Variants in GRIN2B observed in about 807,000 individuals in gnomAD.
GRIN2B encodes the protein glutamate ionotropic receptor NMDA type subunit 2B.
GRIN2B carries 5 observed loss-of-function variants against 114.5 expected under a neutral mutation model. That is an observed-to-expected ratio of 0.04 (90% confidence interval 0.02 to 0.09). The LOEUF (loss-of-function observed/expected upper bound fraction) is 0.09. GRIN2B is among the 10% of genes least tolerant of loss of function. The pLI is 1.00. For synonymous variants in GRIN2B, 787 were observed against 745.1 expected (o/e 1.06, Z -0.92); for missense variants, 1,108 against 1,943.5 (o/e 0.57, Z 8.08).
intron 2 of GRIN2B, among the ~76,000 whole-genome samples, chr12:13,934,673 C>CTGTCAAGGCAGATATGACCAGCAGCCAG (rs1867096894): frequency 1.3e-5 from 2 of 151,572 alleles, no homozygotes; most frequent in African/African-American, 4.9e-5. Context: ...ATCTGGCCAT[C>CTGTCAAGGCAGATATGACCAGCAGCCAG]ACGTACAACT....
intron 5 of GRIN2B, among the ~76,000 whole-genome samples, chr12:13,651,622 A>G (rs1949814114): frequency 6.6e-6 from 1 of 152,080 alleles, no homozygotes; most frequent in Non-Finnish European, 1.5e-5. Context: ...CTGGGCTTAG[A>G]ATCCATTGCT....
intron 5 of GRIN2B, among the ~76,000 whole-genome samples, chr12:13,630,506 TAGTC>T (rs1565482875): frequency 6.6e-6 from 1 of 152,162 alleles, no homozygotes; most frequent in African/African-American, 2.4e-5. Context: ...GGATGAGCGA[TAGTC>T]AGTGGGTCTT....
chr12:13,942,685 T>C (rs924492099), intron 2 of GRIN2B, among the ~76,000 whole-genome samples: 1 of 152,196 alleles, frequency 6.6e-6, no homozygotes, highest in Admixed American at 6.5e-5. Context: ...CAACTCTTCA[T>C]TCATACAAAC....
chr12:13,979,717 C>G (rs1236139978), intron 2 of GRIN2B, among the ~76,000 whole-genome samples: 1 of 152,050 alleles, frequency 6.6e-6, no homozygotes, highest in Non-Finnish European at 1.5e-5. Flanking sequence ...CACTGCCCCC[C>G]AAAAGCCCAA....
rs962327729 is a variant in GRIN2B, at chr12:13,671,441, G to A, written c.1125+4304C>T. On this transcript the variant is annotated intron_variant, in intron 5 of 13. Transcript: ENST00000609686. ...CCAAGGGAACAAAATGTGTAAGACT[G>A]TAGCATTGGGACTACTTTTAGGAAC... is the stretch of plus-strand genomic sequence containing the variant. 2.0e-5 allele frequency among the ~76,000 whole-genome samples: 3 copies of A among 152,166 alleles called. No homozygotes were observed. In the East Asian group the frequency reaches 5.8e-4, roughly 29 times the overall value.
At chr12:13,932,363 C>T (rs1180254546) in intron 2 of GRIN2B, among the ~76,000 whole-genome samples, 1 of 152,204 alleles carries the variant, frequency 6.6e-6, no homozygotes, top group African/African-American at 2.4e-5. Flanking sequence ...TTAACATTGT[C>T]TAAATTTATA....
At chr12:13,889,087 T>C (rs758012115) in intron 2 of GRIN2B, among the ~76,000 whole-genome samples, 3 of 152,234 alleles carry the variant, frequency 2.0e-5, no homozygotes, top group Non-Finnish European at 2.9e-5. Context: ...CCTCATTCTA[T>C]AAGCTTTTTT....
intron 5 of GRIN2B, among the ~76,000 whole-genome samples, chr12:13,673,167 GA>G (rs548806238): frequency 1.4e-3 from 218 of 152,278 alleles, no homozygotes; most frequent in African/African-American, 4.6e-3. Flanking sequence ...AGTCAAAGAT[GA>G]GGGGAGGAAG....
At chr12:13,977,893 C>A (rs1863056000) in intron 2 of GRIN2B, among the ~76,000 whole-genome samples, 1 of 152,170 alleles carries the variant, frequency 6.6e-6, no homozygotes, top group African/African-American at 2.4e-5. Context: ...TATAGCTTCC[C>A]CACCCACTTT....
intron 3 of GRIN2B, among the ~76,000 whole-genome samples, chr12:13,767,224 C>A (rs572007445): frequency 6.8e-6 from 1 of 147,544 alleles, no homozygotes; most frequent in East Asian, 2.0e-4. Flanking sequence ...CGCACCACTG[C>A]ACCCCAGCCT....
chr12:13,688,868 T>G (rs1950191564), intron 4 of GRIN2B, among the ~76,000 whole-genome samples: 1 of 152,164 alleles, frequency 6.6e-6, no homozygotes, highest in South Asian at 2.1e-4. Flanking sequence ...ATCTGGACAA[T>G]CAAATACATA....
At chr12:13,730,437 T>A (rs1863069285) in intron 4 of GRIN2B, among the ~76,000 whole-genome samples, 2 of 152,206 alleles carry the variant, frequency 1.3e-5, no homozygotes, top group Non-Finnish European at 2.9e-5. Context: ...TTTGTATACA[T>A]TCTTATTTAA....
intron 5 of GRIN2B, among the ~76,000 whole-genome samples, chr12:13,675,234 G>C (rs1030190270): frequency 1.3e-5 from 2 of 152,124 alleles, no homozygotes; most frequent in East Asian, 3.9e-4. Flanking sequence ...ATTGGACCTA[G>C]ACAGTCTGGT....
At chr12:13,966,979 C>A (rs1011764343) in intron 2 of GRIN2B, among the ~76,000 whole-genome samples, 2 of 152,150 alleles carry the variant, frequency 1.3e-5, no homozygotes, top group Admixed American at 1.3e-4. Flanking sequence ...CTGCCTCTGC[C>A]ACCATGTTAC....
intron 4 of GRIN2B, among the ~76,000 whole-genome samples, chr12:13,730,941 A>T (rs1863078336): frequency 6.6e-6 from 1 of 152,072 alleles, no homozygotes; most frequent in Non-Finnish European, 1.5e-5. Flanking sequence ...TAACACGTGC[A>T]CCTATACAGC....
At chr12:13,892,281 C>A (rs932331745) in intron 2 of GRIN2B, among the ~76,000 whole-genome samples, 5 of 152,114 alleles carry the variant, frequency 3.3e-5, no homozygotes, top group Non-Finnish European at 7.4e-5. Flanking sequence ...AAGAAAAAAA[C>A]CAGAAGTCCC....
At chr12:13,794,983 G>A (rs1410622427) in intron 3 of GRIN2B, among the ~76,000 whole-genome samples, 1 of 152,238 alleles carries the variant, frequency 6.6e-6, no homozygotes, top group Non-Finnish European at 1.5e-5. Context: ...CAGCTCCTGG[G>A]ATGGCTGGAT....
At position 13,573,438 on chromosome 12, in the gene GRIN2B, G is replaced by A. The variant is rs375570024; in HGVS notation, c.2011-1474C>T. Reference sequence around the variant, plus strand: ...TGCACTCCAGCCTGGGCTACACAGAGAGACTCCGTCTCAAAAATAAAGTGC... The same window carrying A: ...TGCACTCCAGCCTGGGCTACACAGAAAGACTCCGTCTCAAAAATAAAGTGC... On this transcript the variant is annotated intron_variant, in intron 10 of 13. Transcript: ENST00000609686. Among the ~76,000 whole-genome samples the A allele has an allele frequency of 7.4e-5, 11 of 149,370 alleles. 2 individuals carry two copies. Among genetic ancestry groups the A allele is most frequent in the African/African-American group, 2.7e-4 (11 of 40,126 alleles).
intron 4 of GRIN2B, among the ~76,000 whole-genome samples, chr12:13,751,738 C>T (rs1179781509): frequency 6.6e-6 from 1 of 151,994 alleles, no homozygotes; most frequent in Non-Finnish European, 1.5e-5. Context: ...GCTAAGAATA[C>T]AAATTTAGAG....
Sources: gnomAD v4.1 joint callset for allele counts (sites outside exome capture counted in the v4.1 genomes callset) on GRCh38, gnomAD v4.1.1 for gene constraint, MANE v1.5 for transcripts, NCBI Gene and HGNC (gene_info 2026-07-23, HGNC 2026-07-21) for gene names.